LRBA: variants seen among roughly 807,000 people sequenced by gnomAD.
LRBA encodes the protein lipopolysaccharide-responsive and beige-like anchor protein.
LRBA carries 176 observed loss-of-function variants against 330.0 expected under a neutral mutation model. The observed-to-expected ratio is 0.53, with a 90% CI of 0.47 to 0.60. The LOEUF (loss-of-function observed/expected upper bound fraction) is 0.60. Among genes scored for constraint, LRBA ranks in the 20% least tolerant of loss-of-function variants. The pLI, the probability that LRBA is intolerant of heterozygous loss-of-function variation, is 0.00. For missense variants in LRBA, 3,259 were observed against 3,444.8 expected (o/e 0.95, Z 1.35); for synonymous variants, 1,230 against 1,193.0 (o/e 1.03, Z -0.64).
chr4:150,317,238 C>G (rs1210015483), intron 50 of LRBA, among the ~76,000 whole-genome samples: 2 of 152,034 alleles, frequency 1.3e-5, no homozygotes, highest in African/African-American at 4.8e-5. Flanking sequence ...TATATTATTC[C>G]TGTCTTACCA....
intron 47 of LRBA, among the ~76,000 whole-genome samples, chr4:150,356,803 AC>A (rs1394720557): frequency 3.3e-5 from 5 of 151,976 alleles, no homozygotes; most frequent in African/African-American, 4.8e-5. Flanking sequence ...TATATATAAA[AC>A]ACAATGCTTC....
chr4:150,880,388 C>G (rs1728227858), intron 17 of LRBA, among the ~76,000 whole-genome samples: 1 of 152,198 alleles, frequency 6.6e-6, no homozygotes, highest in Admixed American at 6.5e-5. Context: ...GGCATGGTGG[C>G]ACATGCCTGT....
At chr4:150,397,703 C>G (rs961775421) in intron 47 of LRBA, among the ~76,000 whole-genome samples, 1 of 152,210 alleles carries the variant, frequency 6.6e-6, no homozygotes, top group Non-Finnish European at 1.5e-5. Context: ...GTTTCTTGCA[C>G]TGGAATCCCA....
At position 150,852,477 on chromosome 4, in the gene LRBA, A is replaced by G. The variant is rs1421308859; in HGVS notation, c.3233T>C (p.Val1078Ala). 6.2e-7 allele frequency: 1 copy of G among 1,613,600 alleles called. No homozygotes were observed. The highest frequency in any genetic ancestry group is 1.3e-5 in the African/African-American group (1 of 74,936). ...TGKDSMTVSE[V>A]TASISSPSEE... is the part of the protein sequence containing the mutation. ...TGAAGGAGAACTTATAGAAGCAGTT[A>G]CTTCACTGACAGTCATTGAATCTTT... Residue 1078 changes from valine to alanine, a missense_variant, in exon 23 of 57, where the codon GTA becomes GCA. Physicochemically the swap from Val to Ala is moderately conservative, Grantham distance 64. Transcript: ENST00000651943.
chr4:150,743,755 T>C (rs1279695616), intron 35 of LRBA, among the ~76,000 whole-genome samples: 1 of 152,246 alleles, frequency 6.6e-6, no homozygotes, highest in African/African-American at 2.4e-5. Flanking sequence ...TCTGGCCTTT[T>C]ACAGAAAAAG....
At chr4:150,536,525 T>C (rs114170580) in intron 40 of LRBA, among the ~76,000 whole-genome samples, 143 of 152,342 alleles carry the variant, frequency 9.4e-4, no homozygotes, top group Non-Finnish European at 1.7e-3. Flanking sequence ...TTTCCTATTC[T>C]AGTTGCTGGT....
intron 36 of LRBA, among the ~76,000 whole-genome samples, chr4:150,708,739 T>G (rs899670244): frequency 1.4e-4 from 22 of 151,732 alleles, no homozygotes; most frequent in African/African-American, 4.8e-4. Context: ...AATGCATTTC[T>G]TATCGGTATT....
intron 40 of LRBA, among the ~76,000 whole-genome samples, chr4:150,561,679 T>C (rs137969116): frequency 6.6e-6 from 1 of 152,196 alleles, no homozygotes; most frequent in Non-Finnish European, 1.5e-5. Context: ...TAGAAGAGAA[T>C]GCAGTCCTGC....
At chr4:150,508,211 A>G (rs1761364383) in intron 40 of LRBA, among the ~76,000 whole-genome samples, 1 of 133,236 alleles carries the variant, frequency 7.5e-6, no homozygotes. Flanking sequence ...ATGTACCCTA[A>G]AACTTAAAAT....
At chr4:150,413,585 ACAGAG>A (rs1157018346) in intron 47 of LRBA, among the ~76,000 whole-genome samples, 2 of 152,138 alleles carry the variant, frequency 1.3e-5, no homozygotes, top group Non-Finnish European at 2.9e-5. Context: ...GAAAAGCAAA[ACAGAG>A]ACAGAATCAG....
intron 2 of LRBA, among the ~76,000 whole-genome samples, chr4:150,993,325 A>T (rs1186431401): frequency 6.6e-6 from 1 of 152,300 alleles, no homozygotes; most frequent in East Asian, 1.9e-4. Flanking sequence ...AGAATAAAAA[A>T]TAAATGAAAA....
chr4:150,535,945 A>G (rs2152212267), intron 40 of LRBA, among the ~76,000 whole-genome samples: 1 of 152,328 alleles, frequency 6.6e-6, no homozygotes, highest in African/African-American at 2.4e-5. Flanking sequence ...TGAGGCATAC[A>G]TCATCAACTA....
chr4:150,744,721 A>G (rs946696259), intron 35 of LRBA, among the ~76,000 whole-genome samples: 5 of 152,206 alleles, frequency 3.3e-5, no homozygotes, highest in African/African-American at 9.6e-5. Flanking sequence ...TCATATTAAC[A>G]TAAGTGCTAT....
At chr4:150,351,419 G>T (rs1737136908) in intron 47 of LRBA, among the ~76,000 whole-genome samples, 1 of 152,168 alleles carries the variant, frequency 6.6e-6, no homozygotes, top group East Asian at 1.9e-4. Context: ...GCCGGGCACG[G>T]TGGTTCATGC....
intron 51 of LRBA, among the ~76,000 whole-genome samples, chr4:150,313,202 TAAA>T (rs1423348198): frequency 5.3e-5 from 8 of 152,038 alleles, no homozygotes; most frequent in Non-Finnish European, 1.2e-4. Flanking sequence ...AAATTCAAGA[TAAA>T]AAAGTAATAA....
At chr4:150,912,798 T>C (rs1732157746) in intron 9 of LRBA, among the ~76,000 whole-genome samples, 1 of 152,204 alleles carries the variant, frequency 6.6e-6, no homozygotes, top group South Asian at 2.1e-4. Flanking sequence ...ATTAGGTTGC[T>C]GATCTGAGAT....
At chr4:150,405,229 T>C (rs1746023216) in intron 47 of LRBA, among the ~76,000 whole-genome samples, 2 of 152,198 alleles carry the variant, frequency 1.3e-5, no homozygotes, top group East Asian at 1.9e-4. Flanking sequence ...AAAAGCTCTA[T>C]GCATCTCAGA....
intron 35 of LRBA, 60 bp downstream of exon 35, chr4:150,761,723 A>G: frequency 9.0e-7 from 1 of 1,107,586 alleles, no homozygotes; most frequent in South Asian, 1.5e-5. Context: ...ATCAATGCCT[A>G]TAGGAAAAAC....
intron 46 of LRBA, chr4:150,422,804 C>T (rs899819032): frequency 4.8e-6 from 7 of 1,467,702 alleles, no homozygotes; most frequent in East Asian, 4.5e-5. Flanking sequence ...GCATGTGCTG[C>T]GGTTTGCCCT....
Sources: gnomAD v4.1 joint callset for allele counts (sites outside exome capture counted in the v4.1 genomes callset) on GRCh38, gnomAD v4.1.1 for gene constraint, MANE v1.5 for transcripts, NCBI Gene and HGNC (gene_info 2026-07-23, HGNC 2026-07-21) for gene names.